The following AOPEP variants were observed in gnomAD, a reference collection of about 807,000 sequenced individuals.
The protein encoded by AOPEP is aminopeptidase O (putative).
A neutral mutation model predicts 98.1 loss-of-function variants in AOPEP; 77 were observed. The ratio of observed to expected loss-of-function variants is 0.78; its 90% CI spans 0.65 to 0.95. AOPEP has a LOEUF of 0.95. Among genes scored for constraint, AOPEP ranks in the 40% least tolerant of loss-of-function variants. The pLI is 0.00. For synonymous variants in AOPEP, 346 were observed against 365.3 expected, an observed-to-expected ratio of 0.95 and a Z score of 0.60; for missense variants, 1,024 against 1,024.7, an observed-to-expected ratio of 1.00 and a Z score of 0.01.
intron 3 of AOPEP, among the ~76,000 whole-genome samples, chr9:94,777,773 A>C (rs1242566486): frequency 6.6e-6 from 1 of 151,424 alleles, no homozygotes; most frequent in African/African-American, 2.4e-5. Flanking sequence ...ACAGGCATGC[A>C]CCACCATGCC....
intron 5 of AOPEP, among the ~76,000 whole-genome samples, chr9:94,888,146 C>G (rs1188635013): frequency 1.3e-5 from 2 of 152,140 alleles, no homozygotes; most frequent in Non-Finnish European, 2.9e-5. Context: ...GCGAGAAAAT[C>G]TCTCCATAAC....
chr9:94,933,727 T>G, intron 7 of AOPEP: 1 of 903,394 alleles, frequency 1.1e-6, no homozygotes. Context: ...ATAGGAAGCC[T>G]TTTTTTATTT....
intron 2 of AOPEP, among the ~76,000 whole-genome samples, chr9:94,761,055 A>T (rs1164160109): frequency 2.6e-5 from 4 of 152,080 alleles, no homozygotes; most frequent in Admixed American, 6.6e-5. Context: ...TCCTTACCGT[A>T]CTTGTCTATT....
At chr9:94,970,607 C>T (rs2059477750) in intron 10 of AOPEP, among the ~76,000 whole-genome samples, 1 of 151,500 alleles carries the variant, frequency 6.6e-6, no homozygotes. Flanking sequence ...CACGCAGTCT[C>T]CCTGGATAAA....
intron 5 of AOPEP, among the ~76,000 whole-genome samples, chr9:94,907,888 G>C (rs2051406067): frequency 6.6e-6 from 1 of 152,176 alleles, no homozygotes; most frequent in Admixed American, 6.5e-5. Flanking sequence ...TTTGCTCTCT[G>C]GAGGTGGAGG....
chr9:94,944,204 G>C (rs1454380705), intron 7 of AOPEP, among the ~76,000 whole-genome samples: 1 of 152,296 alleles, frequency 6.6e-6, no homozygotes, highest in East Asian at 1.9e-4. Context: ...TTCCTCAAAA[G>C]CTTAAGCATA....
chr9:95,020,734 A>G (rs996441156), intron 13 of AOPEP, among the ~76,000 whole-genome samples: 3 of 152,016 alleles, frequency 2.0e-5, no homozygotes, highest in Non-Finnish European at 4.4e-5. Context: ...CCTCGGCAAC[A>G]TGGTGAAACC....
At chr9:95,135,315 A>G in the AOPEP span, 1 of 1,609,056 alleles carries the variant, frequency 6.2e-7, no homozygotes, top group Non-Finnish European at 8.5e-7. Context: ...TCCTTCAAGG[A>G]TTTTTCCCTT....
At chr9:95,102,819 G>A in the AOPEP span, among the ~76,000 whole-genome samples, 2 of 152,202 alleles carry the variant, frequency 1.3e-5, no homozygotes, top group Admixed American at 6.5e-5. Context: ...GCGTGGGGAC[G>A]CAGAGCTAAG....
At chr9:94,896,984 T>G (rs139014815) in intron 5 of AOPEP, among the ~76,000 whole-genome samples, 182 of 151,710 alleles carry the variant, frequency 1.2e-3, no homozygotes, top group African/African-American at 4.3e-3. Flanking sequence ...TTATTTAAAT[T>G]AAAAAGCACC....
At chr9:94,933,394 C>A (rs2055698257) in intron 7 of AOPEP, 1 of 985,290 alleles carries the variant, frequency 1.0e-6, no homozygotes, top group Non-Finnish European at 1.2e-6. Flanking sequence ...TTTATTATGA[C>A]TTCTCTTTTT....
intron 5 of AOPEP, among the ~76,000 whole-genome samples, chr9:94,918,518 C>T (rs985543895): frequency 6.6e-6 from 1 of 152,176 alleles, no homozygotes; most frequent in Non-Finnish European, 1.5e-5. Flanking sequence ...GGTCTAAACC[C>T]AGTGACACTG....
chr9:94,760,490 C>A lies in AOPEP; in HGVS notation c.707C>A (p.Thr236Lys), dbSNP rs1428614540. ...SLQIRKTGAQ[T>K]ATDFPHAIRI... is the part of the protein sequence containing the mutation. Reference sequence around the variant, plus strand: ...CAGATAAGGAAGACAGGGGCTCAGACAGCTACTGACTTTCCTCATGCTATC... The same window carrying A: ...CAGATAAGGAAGACAGGGGCTCAGAAAGCTACTGACTTTCCTCATGCTATC... The change falls in exon 2 of 17, where the codon ACA becomes AAA. Residue 236 changes from threonine to lysine, a missense_variant. Around this residue, in one of 3 missense-constraint regions of AOPEP, gnomAD observed 440 missense variants for 433.8 expected, o/e 1.01. Coordinates refer to ENST00000375315, the MANE Select transcript of AOPEP (RefSeq NM_001193329.3). The A allele has an allele frequency of 1.2e-6, 2 of 1,610,912 alleles. No individual in the cohort carries two copies.
chr9:94,979,721 C>T (rs971331277), intron 11 of AOPEP, among the ~76,000 whole-genome samples: 3 of 152,092 alleles, frequency 2.0e-5, no homozygotes, highest in African/African-American at 7.3e-5. Flanking sequence ...GTGGAACCAC[C>T]AGCCAACAGT....
chr9:95,135,578 GC>G, the AOPEP span: 13 of 1,259,222 alleles, frequency 1.0e-5, no homozygotes, highest in Middle Eastern at 1.9e-4. Flanking sequence ...AGTTCAAAAT[GC>G]AATCACTAAT....
chr9:94,993,965 G>A (rs529760957), intron 11 of AOPEP, among the ~76,000 whole-genome samples: 3 of 152,270 alleles, frequency 2.0e-5, no homozygotes, highest in Non-Finnish European at 2.9e-5. Flanking sequence ...TGCCTCCCAC[G>A]TCAGGCAGCG....
At chr9:94,836,144 A>G (rs1294486665) in intron 5 of AOPEP, among the ~76,000 whole-genome samples, 1 of 152,156 alleles carries the variant, frequency 6.6e-6, no homozygotes, top group Non-Finnish European at 1.5e-5. Context: ...TCCAAGGAAA[A>G]TGTAATTGCC....
At chr9:94,771,091 G>C (rs1840761871) in intron 2 of AOPEP, among the ~76,000 whole-genome samples, 1 of 152,124 alleles carries the variant, frequency 6.6e-6, no homozygotes, top group Non-Finnish European at 1.5e-5. Context: ...GCAGCCTTGG[G>C]GGCCACATAC....
chr9:94,857,071 TA>T (rs2044313384), intron 5 of AOPEP, among the ~76,000 whole-genome samples: 1 of 152,238 alleles, frequency 6.6e-6, no homozygotes, highest in South Asian at 2.1e-4. Flanking sequence ...TGAAGTACTT[TA>T]AAGTTTTTCT....
Sources: allele counts gnomAD v4.1 joint callset (sites outside exome capture counted in the v4.1 genomes callset), GRCh38; gene constraint gnomAD v4.1.1; regional missense constraint gnomAD v4.1.1; transcripts MANE v1.5; gene names NCBI Gene and HGNC (gene_info 2026-07-23, HGNC 2026-07-21).